IPCEF1: variants seen among roughly 807,000 people sequenced by gnomAD.
IPCEF1 encodes interactor protein for cytohesin exchange factors 1.
IPCEF1 carries 31 observed loss-of-function variants against 50.9 expected under a neutral mutation model. That is an observed-to-expected ratio of 0.61 (90% CI 0.46 to 0.82). The LOEUF (loss-of-function observed/expected upper bound fraction) is 0.82, where lower values mean the gene tolerates loss of function less well. Ranked by LOEUF, IPCEF1 falls within the 40% of genes least tolerant of loss-of-function variation. The probability of loss-of-function intolerance (pLI) is 0.00; values close to 1 mark genes in which losing one functional copy is unlikely to be tolerated. For synonymous variants in IPCEF1, 181 were observed against 192.0 expected, an observed-to-expected ratio of 0.94 and a Z score of 0.47; for missense variants, 458 against 514.0, an observed-to-expected ratio of 0.89 and a Z score of 1.05.
rs754062879 is a variant in IPCEF1, at chr6:154,212,874, T to A, written c.452-19A>T. On this transcript the variant is annotated intron_variant, in intron 8 of 11. Transcript: ENST00000367220. ...TAACATTCTATAACAAAAATGAAAA[T>A]GCTTAATGTTTTAACGCTGTCATCG... 6.5e-7 allele frequency: 1 copy of A among 1,543,782 alleles called. No individual in the cohort carries two copies. The highest frequency in any genetic ancestry group is 1.4e-5 in the African/African-American group (1 of 73,650).
At chr6:154,184,707 T>C (rs1801186576) in intron 10 of IPCEF1, among the ~76,000 whole-genome samples, 1 of 152,180 alleles carries the variant, frequency 6.6e-6, no homozygotes, top group Non-Finnish European at 1.5e-5. Flanking sequence ...ATGGTAATTT[T>C]AGTGATGAAG....
intron 10 of IPCEF1, among the ~76,000 whole-genome samples, chr6:154,195,067 C>T (rs1776480187): frequency 6.6e-6 from 1 of 152,072 alleles, no homozygotes; most frequent in Non-Finnish European, 1.5e-5. Flanking sequence ...TATGCAGGCT[C>T]CCTAAACCTT....
intron 1 of IPCEF1, among the ~76,000 whole-genome samples, chr6:154,325,517 A>G (rs1201616347): frequency 2.0e-5 from 3 of 152,240 alleles, no homozygotes; most frequent in Non-Finnish European, 4.4e-5. Context: ...ATTAAAAAAT[A>G]ACTGGGTAAT....
At position 154,159,583 on chromosome 6, in the gene IPCEF1, T is replaced by G; in HGVS notation, c.*245A>C. Reference sequence around the variant, plus strand: ...GCCCCACATCACCGTGAGCTCCCAGTAGGAACACAAAAAACGCCTTTCAAC... The same window carrying G: ...GCCCCACATCACCGTGAGCTCCCAGGAGGAACACAAAAAACGCCTTTCAAC... On this transcript the variant is annotated 3_prime_UTR_variant, in exon 12 of 12. Transcript: ENST00000367220. The G allele has an allele frequency of 2.0e-6, 1 of 509,316 alleles. No individual in the cohort carries two copies. The allele number at this position is 509,316 out of a possible 1,614,324, so 31.5% of individuals were successfully genotyped here.
At position 154,199,208 on chromosome 6, in the gene IPCEF1, T is replaced by C. The variant is rs145354750; in HGVS notation, c.910+460A>G. Among the ~76,000 whole-genome samples, 460 of 152,306 alleles carry C rather than the reference T, an allele frequency of 3.0e-3. 1 individual carries two copies. Among genetic ancestry groups the C allele is most frequent in the African/African-American group, 0.01 (432 of 41,570 alleles). On this transcript the variant is annotated intron_variant, in intron 10 of 11. Coordinates refer to ENST00000367220, the MANE Select transcript of IPCEF1 (RefSeq NM_001130700.2). ...TCTTCCCATCAACCACACAGGAACA[T>C]TCAGGAGCCGACAGGCTAAGAATTA...
At chr6:154,343,241 G>A (rs566267699) in intron 1 of IPCEF1, among the ~76,000 whole-genome samples, 1 of 152,184 alleles carries the variant, frequency 6.6e-6, no homozygotes, top group East Asian at 1.9e-4. Context: ...ACTCATTTCG[G>A]TTATCATAAT....
intron 6 of IPCEF1, among the ~76,000 whole-genome samples, chr6:154,222,606 C>T (rs1778952512): frequency 6.6e-6 from 1 of 152,186 alleles, no homozygotes; most frequent in Non-Finnish European, 1.5e-5. Flanking sequence ...AGGTCACAAA[C>T]TCTTTGGGCT....
rs572675682 is a variant in IPCEF1 at position 154,155,239 on chromosome 6, G to T, written c.*4589C>A. ...CCCCTTCCACAGTCCATTTCATACA[G>T]GCTGCAAACATTTAGTTTCAGGGAC... On this transcript the variant is annotated 3_prime_UTR_variant, in exon 12 of 12. Transcript: ENST00000367220. 1 of 152,118 alleles carries T rather than the reference G, an allele frequency of 6.6e-6. No individual in the cohort carries two copies. Among genetic ancestry groups the T allele is most frequent in the African/African-American group, 2.4e-5 (1 of 41,402 alleles). 9.4% of individuals were successfully genotyped at this position (152,118 alleles called of 1,614,324 possible). A position where few individuals can be genotyped will look rare whatever the true frequency, so the allele number is the denominator to read the frequency against.
intron 1 of IPCEF1, among the ~76,000 whole-genome samples, chr6:154,294,933 T>C (rs1782603259): frequency 6.6e-6 from 1 of 152,166 alleles, no homozygotes; most frequent in Non-Finnish European, 1.5e-5. Context: ...GCGTGGTAAC[T>C]CATGCCTGTA....
At chr6:154,313,634 A>T (rs1318560328) in intron 1 of IPCEF1, among the ~76,000 whole-genome samples, 4 of 152,222 alleles carry the variant, frequency 2.6e-5, no homozygotes, top group Admixed American at 2.6e-4. Context: ...CTGTACGGTT[A>T]TATAGGCAAG....
intron 5 of IPCEF1, among the ~76,000 whole-genome samples, chr6:154,243,375 C>T (rs6557341): frequency 0.85 from 129,564 of 152,204 alleles, 56,054 homozygotes; most frequent in African/African-American, 0.91. Context: ...TACTCTGTGG[C>T]GTGAAAAATG....
intron 11 of IPCEF1, among the ~76,000 whole-genome samples, chr6:154,163,073 C>T (rs552425789): frequency 6.6e-6 from 1 of 152,306 alleles, no homozygotes; most frequent in South Asian, 2.1e-4. Flanking sequence ...ATGGTTCTAC[C>T]TTCAGACATG....
Position 154,288,459 on chromosome 6 carries a change from C to T in IPCEF1, c.-18+1254G>A, listed in dbSNP as rs568912411. Among the ~76,000 whole-genome samples, 340 of 151,308 alleles carry T rather than the reference C, an allele frequency of 2.2e-3. 1 individual carries two copies. The highest frequency in any genetic ancestry group is 3.8e-3 in the Non-Finnish European group (258 of 67,770). ...CGGGCAGATCACGAGGTCAGGAGAT[C>T]GAGACCATCCTGGCCAACATGGTGA... On this transcript the variant is annotated intron_variant, in intron 2 of 11. Transcript: ENST00000367220.
At chr6:154,226,621 T>C (rs1779273150) in intron 5 of IPCEF1, among the ~76,000 whole-genome samples, 1 of 152,108 alleles carries the variant, frequency 6.6e-6, no homozygotes, top group Admixed American at 6.5e-5. Context: ...ACCGCAAAAG[T>C]CTCCTCAACT....
At position 154,155,236 on chromosome 6, in the gene IPCEF1, A is replaced by G. The variant is rs1798665818; in HGVS notation, c.*4592T>C. ...ATCCCCCTTCCACAGTCCATTTCAT[A>G]CAGGCTGCAAACATTTAGTTTCAGG... On this transcript the variant is annotated 3_prime_UTR_variant, in exon 12 of 12. Coordinates refer to ENST00000367220, the MANE Select transcript of IPCEF1 (RefSeq NM_001130700.2). 1 of 152,170 alleles carries G rather than the reference A, an allele frequency of 6.6e-6. No individual in the cohort carries two copies. The highest frequency in any genetic ancestry group is 1.5e-5 in the Non-Finnish European group (1 of 68,032). The allele number at this position is 152,170 out of a possible 1,614,324, so 9.4% of individuals were successfully genotyped here.
At chr6:154,220,929 G>A (rs1385431227) in intron 7 of IPCEF1, among the ~76,000 whole-genome samples, 1 of 152,228 alleles carries the variant, frequency 6.6e-6, no homozygotes, top group Non-Finnish European at 1.5e-5. Flanking sequence ...AATTCCGAAA[G>A]CTGCAAGATC....
chr6:154,244,016 T>C (rs1780814364), intron 5 of IPCEF1, among the ~76,000 whole-genome samples: 1 of 152,208 alleles, frequency 6.6e-6, no homozygotes, highest in Non-Finnish European at 1.5e-5. Context: ...ATTAGGCTAC[T>C]GAGGAAGTGT....
intron 1 of IPCEF1, among the ~76,000 whole-genome samples, chr6:154,355,981 A>G (rs551276692): frequency 7.0e-4 from 106 of 152,260 alleles, no homozygotes; most frequent in Non-Finnish European, 1.2e-3. Context: ...CATAAAATAA[A>G]TAACTCGATA....
intron 9 of IPCEF1, among the ~76,000 whole-genome samples, chr6:154,208,734 T>C (rs985780552): frequency 3.9e-5 from 6 of 152,218 alleles, no homozygotes; most frequent in African/African-American, 1.4e-4. Flanking sequence ...CTTTTATAGC[T>C]CTTAACTCAC....
Sources: gnomAD v4.1 joint callset for allele counts (sites outside exome capture counted in the v4.1 genomes callset) on GRCh38, gnomAD v4.1.1 for gene constraint, MANE v1.5 for transcripts, NCBI Gene and HGNC (gene_info 2026-07-23, HGNC 2026-07-21) for gene names.